Variants in ATXN7 observed in about 807,000 individuals in gnomAD.
The protein encoded by ATXN7 is ataxin 7.
ATXN7 carries 12 observed loss-of-function variants against 70.5 expected under a neutral mutation model. The ratio of observed to expected loss-of-function variants is 0.17; its 90% CI spans 0.11 to 0.28. The LOEUF is 0.28. Among genes scored for constraint, ATXN7 ranks in the 10% least tolerant of loss-of-function variants. The probability of loss-of-function intolerance (pLI) is 1.00; values close to 1 mark genes in which losing one functional copy is unlikely to be tolerated. For synonymous variants in ATXN7, 498 were observed against 448.7 expected (o/e 1.11, Z -1.39); for missense variants, 1,256 against 1,131.7 (o/e 1.11, Z -1.58).
At chr3:63,996,615 C>G in intron 12 of ATXN7, 132 bp downstream of exon 12, 1 of 171,506 alleles carries the variant, frequency 5.8e-6, no homozygotes, top group Non-Finnish European at 9.5e-6. Context: ...ATGGTGTCTT[C>G]TTAAAAAAAA....
Position 63,945,024 on chromosome 3 carries a change from T to C in ATXN7, c.395-7355T>C, listed in dbSNP as rs971978279. Among the ~76,000 whole-genome samples the C allele has an allele frequency of 3.9e-5, 6 of 152,248 alleles. No homozygotes were observed. In the East Asian group the frequency reaches 1.2e-3, roughly 29 times the overall value. ...CCAGGGTGGTCTCAAACTCCTGACC[T>C]TAAGTGATCCACCCACCTCGGCCTC... On this transcript the variant is annotated intron_variant, in intron 4 of 12. Coordinates refer to ENST00000674280, the MANE Select transcript of ATXN7 (RefSeq NM_001377405.1).
intron 1 of ATXN7, among the ~76,000 whole-genome samples, chr3:63,879,258 A>G (rs997949530): frequency 6.6e-6 from 1 of 152,202 alleles, no homozygotes; most frequent in East Asian, 1.9e-4. Flanking sequence ...GAATCTGAAC[A>G]GTTCTCAGAA....
intron 2 of ATXN7, chr3:63,901,336 C>A (rs1196258158): frequency 6.6e-6 from 1 of 152,206 alleles, no homozygotes; most frequent in African/African-American, 2.4e-5. Context: ...CTATAGTAAG[C>A]ATGTTTTGCA....
chr3:63,929,514 G>A (rs189377489), intron 4 of ATXN7, among the ~76,000 whole-genome samples: 3,860 of 152,070 alleles, frequency 0.025, 72 homozygotes, highest in South Asian at 0.076. Flanking sequence ...CTCGTGATGC[G>A]CCTGCCTCTG....
Position 63,995,818 on chromosome 3 carries a change from C to A in ATXN7, c.1996C>A (p.Pro666Thr). 1.2e-6 allele frequency: 2 copies of A among 1,614,224 alleles called. No individual in the cohort carries two copies. Among genetic ancestry groups the A allele is most frequent in the South Asian group, 2.2e-5 (2 of 91,086 alleles). ...PSGLSSVPSS[P>T]MSRKPQKLKS... Reference sequence around the variant, plus strand: ...TGGCCTTTCCTCGGTTCCTTCCTCCCCCATGTCCAGGAAACCTCAGAAATT... The same window carrying A: ...TGGCCTTTCCTCGGTTCCTTCCTCCACCATGTCCAGGAAACCTCAGAAATT... Residue 666 changes from proline (P) to threonine (T), a missense_variant, in exon 12 of 13, where the codon CCC becomes ACC. Physicochemically the swap from Pro to Thr is conservative, Grantham distance 38 (BLOSUM62 -1). Coordinates refer to ENST00000674280, the MANE Select transcript of ATXN7 (RefSeq NM_001377405.1).
intron 5 of ATXN7, among the ~76,000 whole-genome samples, chr3:63,966,687 G>A (rs2075229090): frequency 1.3e-5 from 2 of 152,160 alleles, no homozygotes; most frequent in Admixed American, 1.3e-4. Flanking sequence ...CTGTTTTAGA[G>A]TCAATTTAGA....
At chr3:63,977,651 C>CT (rs1409585441) in intron 5 of ATXN7, among the ~76,000 whole-genome samples, 1 of 152,158 alleles carries the variant, frequency 6.6e-6, no homozygotes, top group Non-Finnish European at 1.5e-5. Flanking sequence ...CCCTGCTTCA[C>CT]TCTGGGGCCC....
chr3:63,959,769 T>G (rs1559646808), intron 5 of ATXN7, among the ~76,000 whole-genome samples: 1 of 152,230 alleles, frequency 6.6e-6, no homozygotes, highest in Admixed American at 6.5e-5. Flanking sequence ...ATATAAAATG[T>G]ACTTATTTTT....
intron 12 of ATXN7, among the ~76,000 whole-genome samples, chr3:63,997,309 T>A (rs1026374263): frequency 2.0e-5 from 3 of 152,200 alleles, no homozygotes; most frequent in African/African-American, 7.2e-5. Flanking sequence ...ATATTCTGGT[T>A]AAATCTCACC....
chr3:63,912,465 T>A, intron 2 of ATXN7, 123 bp from the exon 3 acceptor site: 1 of 522,148 alleles, frequency 1.9e-6, no homozygotes, highest in Non-Finnish European at 2.5e-6. Flanking sequence ...TGGGCGGCCA[T>A]GGGGGCGCTG....
chr3:63,966,729 C>G (rs1440894063), intron 5 of ATXN7, among the ~76,000 whole-genome samples: 1 of 152,176 alleles, frequency 6.6e-6, no homozygotes, highest in Non-Finnish European at 1.5e-5. Flanking sequence ...TTTCATGCCT[C>G]TCTCAGAACT....
intron 4 of ATXN7, among the ~76,000 whole-genome samples, chr3:63,925,542 C>G (rs1309719793): frequency 6.6e-6 from 1 of 152,160 alleles, no homozygotes; most frequent in Non-Finnish European, 1.5e-5. Context: ...CTGAGGTTCC[C>G]CTGACCCCCC....
chr3:63,899,890 T>C (rs1703570518), intron 2 of ATXN7, among the ~76,000 whole-genome samples: 1 of 152,122 alleles, frequency 6.6e-6, no homozygotes, highest in South Asian at 2.1e-4. Flanking sequence ...GTGCTGGGAT[T>C]ACACGCGTGA....
chr3:63,907,016 C>T (rs2107282306), intron 2 of ATXN7, among the ~76,000 whole-genome samples: 1 of 152,352 alleles, frequency 6.6e-6, no homozygotes, highest in Middle Eastern at 3.4e-3. Flanking sequence ...CAAGATTGGT[C>T]TGATAGTATA....
chr3:63,982,179 G>C lies in ATXN7; in HGVS notation c.753-7G>C, dbSNP rs749269262. 6.8e-6 allele frequency: 11 copies of C among 1,614,024 alleles called. No homozygotes were observed. The South Asian group carries it at 1.2e-4, about 18-fold the overall frequency. On this transcript the variant is annotated splice_region_variant and splice_polypyrimidine_tract_variant and intron_variant, in intron 6 of 12. Transcript: ENST00000674280. ...GGCACTGGTTTTCTCACTTCCTCCT[G>C]TGACAGCATGACACCCTCTGTGAAA...
intron 4 of ATXN7, among the ~76,000 whole-genome samples, chr3:63,950,048 T>A (rs1256068508): frequency 6.6e-6 from 1 of 152,170 alleles, no homozygotes; most frequent in Non-Finnish European, 1.5e-5. Flanking sequence ...TCAGTTGCAA[T>A]TGATCTTAAG....
intron 1 of ATXN7, among the ~76,000 whole-genome samples, chr3:63,891,262 G>T (rs1177801586): frequency 6.6e-6 from 1 of 152,064 alleles, no homozygotes; most frequent in African/African-American, 2.4e-5. Context: ...GCCCACTTCA[G>T]CCTCCCAAAG....
intron 4 of ATXN7, among the ~76,000 whole-genome samples, chr3:63,934,568 T>C (rs556491086): frequency 6.6e-6 from 1 of 152,338 alleles, no homozygotes; most frequent in East Asian, 1.9e-4. Flanking sequence ...AGTATTATGT[T>C]GTGGTGACTC....
At chr3:63,863,853 G>T (rs1702311670), upstream of ATXN7, 1 of 1,216,444 alleles carries the variant, frequency 8.2e-7, no homozygotes, top group Non-Finnish European at 1.0e-6. Context: ...GGCGGCGGCG[G>T]AGGTCAAACT....
Sources: allele counts gnomAD v4.1 joint callset (sites outside exome capture counted in the v4.1 genomes callset), GRCh38; gene constraint gnomAD v4.1.1; transcripts MANE v1.5; gene names NCBI Gene and HGNC (gene_info 2026-07-23, HGNC 2026-07-21).